Variants in PEX5 observed in about 807,000 individuals in gnomAD.
PEX5 encodes peroxisomal biogenesis factor 5, also known as PTS1 receptor.
In PEX5, 52 loss-of-function variants were observed where a neutral mutation model predicts 82.9. That is an observed-to-expected ratio of 0.63 (90% CI 0.50 to 0.79). The LOEUF (loss-of-function observed/expected upper bound fraction) is 0.79, where lower values mean the gene tolerates loss of function less well. Among genes scored for constraint, PEX5 ranks in the 30% least tolerant of loss-of-function variants. The pLI, the probability that PEX5 is intolerant of heterozygous loss-of-function variation, is 0.00. For synonymous variants in PEX5, 300 were observed against 318.8 expected (o/e 0.94, Z 0.63); for missense variants, 719 against 815.2 (o/e 0.88, Z 1.44).
At chr12:7,191,059 T>A in intron 3 of PEX5, 136 bp downstream of exon 3, 2 of 1,185,856 alleles carry the variant, frequency 1.7e-6, no homozygotes, top group Non-Finnish European at 2.5e-6. Flanking sequence ...TTAAATGTAT[T>A]TTTTCGTCCT....
At chr12:7,202,925 G>A (rs577544305) in intron 9 of PEX5, among the ~76,000 whole-genome samples, 4 of 152,094 alleles carry the variant, frequency 2.6e-5, no homozygotes, top group Non-Finnish European at 5.9e-5. Context: ...GGGAGCCCGA[G>A]GTGGGTGGAT....
At chr12:7,201,150 CACACACATATAT>C (rs1943882088) in intron 6 of PEX5, among the ~76,000 whole-genome samples, 1 of 49,792 alleles carries the variant, frequency 2.0e-5, no homozygotes, top group South Asian at 7.1e-4. Context: ...CACACACACG[CACACACATATAT>C]ACACACATAC....
intron 17 of PEX5, among the ~76,000 whole-genome samples, chr12:7,217,887 T>C (rs1327952493): frequency 1.3e-5 from 2 of 152,236 alleles, no homozygotes; most frequent in Admixed American, 1.3e-4. Flanking sequence ...CACTGTGCCT[T>C]TACCCTAAGT....
chr12:7,210,340 C>A lies in PEX5; in HGVS notation c.*117C>A. 1.1e-6 allele frequency: 1 copy of A among 923,828 alleles called. No individual in the cohort carries two copies. Among genetic ancestry groups the A allele is most frequent in the South Asian group, 1.3e-5 (1 of 74,884 alleles). The allele number at this position is 923,828 out of a possible 1,614,324, so 57.2% of individuals were successfully genotyped here. A position where few individuals can be genotyped will look rare whatever the true frequency, so the allele number is the denominator to read the frequency against. Reference sequence around the variant, plus strand: ...GGGCTGATGACCATAAGCGGTACGGCCTTTCAGGAGCTGCCTCAACGTAGG... The same window carrying A: ...GGGCTGATGACCATAAGCGGTACGGACTTTCAGGAGCTGCCTCAACGTAGG... On this transcript the variant is annotated 3_prime_UTR_variant, in exon 16 of 16. Transcript: ENST00000675855.
At chr12:7,203,621 G>C in intron 10 of PEX5, 70 bp downstream of exon 10, 1 of 1,443,004 alleles carries the variant, frequency 6.9e-7, no homozygotes, top group Non-Finnish European at 9.6e-7. Flanking sequence ...CTTTAATCCT[G>C]AATTTGAAGG....
At chr12:7,202,750 C>T in intron 9 of PEX5, 46 bp downstream of exon 9, 1 of 1,281,572 alleles carries the variant, frequency 7.8e-7, no homozygotes, top group Non-Finnish European at 1.1e-6. Context: ...AGAAAACACT[C>T]CTTGGAGTGA....
chr12:7,193,314 A>ACCTCTG (rs796556699), intron 5 of PEX5, among the ~76,000 whole-genome samples: 13 of 150,244 alleles, frequency 8.7e-5, no homozygotes, highest in African/African-American at 3.2e-4. Flanking sequence ...ACGCACTGCA[A>ACCTCTG]CCTCTGCCTC....
intron 17 of PEX5, among the ~76,000 whole-genome samples, chr12:7,217,285 C>G (rs972430933): frequency 6.6e-6 from 1 of 152,214 alleles, no homozygotes; most frequent in Non-Finnish European, 1.5e-5. Context: ...TTATATCTTG[C>G]TGCATAAAAA....
intron 5 of PEX5, among the ~76,000 whole-genome samples, chr12:7,197,242 TTATATGTCATATGTAATAATTA>T (rs1201583458): frequency 0.012 from 127 of 10,664 alleles, 20 homozygotes; most frequent in African/African-American, 0.022. Context: ...TATGTAATAA[TTATATGTCATATGTAATAATTA>T]TATATGTCAT....
chr12:7,193,119 C>A (rs1941454956), intron 5 of PEX5, among the ~76,000 whole-genome samples: 1 of 152,114 alleles, frequency 6.6e-6, no homozygotes, highest in South Asian at 2.1e-4. Context: ...GGTGGATATC[C>A]CACCCCCATT....
chr12:7,191,074 A>T (rs1941005310), intron 3 of PEX5, 151 bp downstream of exon 3: 4 of 1,206,578 alleles, frequency 3.3e-6, no homozygotes, highest in South Asian at 2.4e-5. Context: ...CGTCCTTCTA[A>T]ATCTATGGAA....
At position 7,203,517 on chromosome 12, in the gene PEX5, A is replaced by G. The variant is rs777532359; in HGVS notation, c.932A>G (p.Asp311Gly). ...GCTGAGGCCCACCCCTGGCTTTCTG[A>G]CTATGATGACCTTACGTCAGCTACC... is the stretch of plus-strand genomic sequence containing the variant. ...RDAEAHPWLS[D>G]YDDLTSATYD... is the part of the protein sequence containing the mutation. The change falls in exon 10 of 16, where the codon GAC becomes GGC. Residue 311 changes from aspartate (D) to glycine (G), a missense_variant. By Grantham distance (94) the Asp-to-Gly change is moderately conservative. Transcript: ENST00000675855. The G allele has an allele frequency of 6.2e-7, 1 of 1,613,852 alleles. No homozygotes were observed. Among genetic ancestry groups the G allele is most frequent in the African/African-American group, 1.3e-5 (1 of 74,890 alleles).
downstream of PEX5, among the ~76,000 whole-genome samples, chr12:7,213,223 C>CTACTT (rs1454275822): frequency 6.6e-6 from 1 of 151,270 alleles, no homozygotes; most frequent in Non-Finnish European, 1.5e-5. Flanking sequence ...TTGGAAAAAA[C>CTACTT]TACTTTAAAG....
At chr12:7,205,342 A>C (rs748329490) in intron 10 of PEX5, among the ~76,000 whole-genome samples, 201 of 152,350 alleles carry the variant, frequency 1.3e-3, no homozygotes, top group Non-Finnish European at 2.5e-3. Flanking sequence ...ATTCCATGTC[A>C]ATAGAACTTT....
At chr12:7,212,492 A>G (rs7977384), downstream of PEX5, among the ~76,000 whole-genome samples, 1 of 57,188 alleles carries the variant, frequency 1.7e-5, no homozygotes, top group East Asian at 2.9e-4. Context: ...AAAAAAACCC[A>G]AAAAACAAAA....
chr12:7,204,145 T>TA (rs1167598931), intron 10 of PEX5, among the ~76,000 whole-genome samples: 1 of 152,206 alleles, frequency 6.6e-6, no homozygotes, highest in East Asian at 1.9e-4. Context: ...TCTGGGGTCT[T>TA]ACTGAAAAAC....
chr12:7,191,519 G>A (rs1444507644), intron 4 of PEX5, 50 bp from the exon 5 acceptor site: 11 of 1,610,018 alleles, frequency 6.8e-6, no homozygotes, highest in Non-Finnish European at 9.3e-6. Context: ...TAGGCATGAT[G>A]GAATGGTATG....
chr12:7,194,659 C>T (rs1941776029), intron 5 of PEX5, among the ~76,000 whole-genome samples: 1 of 152,170 alleles, frequency 6.6e-6, no homozygotes, highest in Non-Finnish European at 1.5e-5. Context: ...TGTGTTTGCT[C>T]AGATCTAGAG....
chr12:7,206,573 A>G (rs993275407), intron 10 of PEX5, among the ~76,000 whole-genome samples: 24 of 118,892 alleles, frequency 2.0e-4, no homozygotes, highest in African/African-American at 6.1e-4. Context: ...ATTTATCTCA[A>G]ATCTACTATA....
Sources: gnomAD v4.1 joint callset for allele counts (sites outside exome capture counted in the v4.1 genomes callset) on GRCh38, gnomAD v4.1.1 for gene constraint, MANE v1.5 for transcripts, NCBI Gene and HGNC (gene_info 2026-07-23, HGNC 2026-07-21) for gene names.